L3HYPDH: variants seen among roughly 807,000 people sequenced by gnomAD.
The protein encoded by L3HYPDH is trans-3-hydroxy-L-proline dehydratase.
L3HYPDH carries 32 observed loss-of-function variants against 26.5 expected under a neutral mutation model. That is an observed-to-expected ratio of 1.21 (90% CI 0.91 to 1.62). L3HYPDH has a LOEUF of 1.62. L3HYPDH is among the 40% of genes most tolerant of loss of function. L3HYPDH has a pLI of 0.00. For synonymous variants in L3HYPDH, 215 were observed against 196.6 expected, an observed-to-expected ratio of 1.09 and a Z score of -0.78; for missense variants, 554 against 476.4, an observed-to-expected ratio of 1.16 and a Z score of -1.52.
upstream of L3HYPDH, chr14:59,487,741 T>TAAA: frequency 1.2e-6 from 2 of 1,613,370 alleles, no homozygotes; most frequent in Non-Finnish European, 1.7e-6. Context: ...TCTCCTGAAC[T>TAAA]TTATGATTGG....
the L3HYPDH span, among the ~76,000 whole-genome samples, chr14:59,502,755 T>TGTTTTTTTTTCTTTGTTTTTA: frequency 8.1e-6 from 1 of 122,918 alleles, no homozygotes; most frequent in Non-Finnish European, 1.6e-5. Context: ...ATGAGATTTT[T>TGTTTTTTTTTCTTTGTTTTTA]TTTTTTTTTT....
chr14:59,494,287 G>A, the L3HYPDH span, among the ~76,000 whole-genome samples: 4 of 152,204 alleles, frequency 2.6e-5, no homozygotes, highest in East Asian at 7.7e-4. Context: ...CCCACAAACA[G>A]GTACACATTT....
rs1889847649 is a variant in L3HYPDH at position 59,479,240 on chromosome 14, G to A, written c.620C>T (p.Ala207Val). 1 of 1,613,468 alleles carries A rather than the reference G, an allele frequency of 6.2e-7. No homozygotes were observed. Among genetic ancestry groups the A allele is most frequent in the African/African-American group, 1.3e-5 (1 of 74,958 alleles). ...AEKLGLDICS[A>V]KTRDLVDAAS... ...TGCATCCACAAGGTCCCTGGTCTTT[G>A]CAGAACAAATGTCTAGTCCTAACTT... The change falls in exon 2 of 5, where the codon GCA (alanine) becomes GTA (valine). Residue 207 changes from alanine to valine, a missense_variant. By Grantham distance (64) the Ala-to-Val change is moderately conservative. Transcript: ENST00000247194.
downstream of L3HYPDH, among the ~76,000 whole-genome samples, chr14:59,471,849 G>T (rs916017469): frequency 2.0e-5 from 3 of 150,556 alleles, no homozygotes; most frequent in Admixed American, 6.7e-5. Context: ...CATTTTTTTT[G>T]AGATAAGTGA....
At chr14:59,484,537 A>C (rs1373274040), upstream of L3HYPDH, 10 of 1,560,228 alleles carry the variant, frequency 6.4e-6, no homozygotes, top group African/African-American at 1.4e-5. Context: ...TGTTCGGTGC[A>C]GCTGCCAGAT....
chr14:59,492,797 A>AT, the L3HYPDH span, among the ~76,000 whole-genome samples: 5,856 of 131,962 alleles, frequency 0.044, 177 homozygotes, highest in Non-Finnish European at 0.064. Flanking sequence ...GAGAGCTGCT[A>AT]TTTTTTTTTT....
At chr14:59,501,253 G>A in the L3HYPDH span, 1 of 1,597,156 alleles carries the variant, frequency 6.3e-7, no homozygotes, top group Admixed American at 1.7e-5. Context: ...GTACATGTCT[G>A]CTTCTGAAAT....
At chr14:59,484,621 C>T (rs1890362608), upstream of L3HYPDH, 5 of 1,576,476 alleles carry the variant, frequency 3.2e-6, no homozygotes, top group Non-Finnish European at 4.3e-6. Context: ...TCCCGGGAAG[C>T]GTTTCTGGTA....
chr14:59,481,371 T>C (rs1303070936), intron 1 of L3HYPDH, among the ~76,000 whole-genome samples: 2 of 152,114 alleles, frequency 1.3e-5, no homozygotes, highest in Non-Finnish European at 2.9e-5. Context: ...CCCTGAGAGG[T>C]AGGTACTGTT....
At chr14:59,479,761 A>G (rs1889882847) in intron 1 of L3HYPDH, among the ~76,000 whole-genome samples, 1 of 152,234 alleles carries the variant, frequency 6.6e-6, no homozygotes, top group African/African-American at 2.4e-5. Context: ...CTTGGATCCT[A>G]TTTACAAATC....
intron 1 of L3HYPDH, among the ~76,000 whole-genome samples, chr14:59,466,749 T>C (rs1223387562): frequency 6.6e-6 from 1 of 152,186 alleles, no homozygotes; most frequent in Non-Finnish European, 1.5e-5. Context: ...AAACCAAAAC[T>C]GGGTTTGTCA....
chr14:59,500,020 T>G, the L3HYPDH span, among the ~76,000 whole-genome samples: 1 of 152,236 alleles, frequency 6.6e-6, no homozygotes, highest in South Asian at 2.1e-4. Flanking sequence ...TGATTTGCAC[T>G]AATTTGGGCT....
Position 59,483,932 on chromosome 14 carries a change from G to A in L3HYPDH, c.385C>T (p.Arg129Cys). 1 of 1,555,488 alleles carries A rather than the reference G, an allele frequency of 6.4e-7. No homozygotes were observed. The highest frequency in any genetic ancestry group is 8.6e-7 in the Non-Finnish European group (1 of 1,156,096). The change falls in exon 1 of 5, where the codon CGC becomes TGC. Residue 129 changes from arginine to cysteine, a missense_variant. Transcript: ENST00000247194. ...GLVPAPPAGT[R>C]EARVNIHCPC... The stretch of plus-strand genomic sequence containing the variant: ...CAGTGGATATTGACGCGGGCCTCGC[G>A]GGTGCCCGCAGGGGGCGCCGGCACA...
chr14:59,484,544 A>C (rs541373397), upstream of L3HYPDH: 28 of 1,563,322 alleles, frequency 1.8e-5, no homozygotes, highest in East Asian at 6.5e-4. Context: ...TGCAGCTGCC[A>C]GATCCGCTGA....
At chr14:59,481,478 C>T (rs1251116403) in intron 1 of L3HYPDH, among the ~76,000 whole-genome samples, 1 of 152,162 alleles carries the variant, frequency 6.6e-6, no homozygotes, top group Non-Finnish European at 1.5e-5. Context: ...AAGCCCAAAC[C>T]CTTTCTACTA....
At chr14:59,497,959 A>G in the L3HYPDH span, among the ~76,000 whole-genome samples, 1 of 152,208 alleles carries the variant, frequency 6.6e-6, no homozygotes, top group Non-Finnish European at 1.5e-5. Flanking sequence ...AAATTAAGGT[A>G]GAACTATGTG....
chr14:59,502,679 G>C, the L3HYPDH span, among the ~76,000 whole-genome samples: 1 of 151,208 alleles, frequency 6.6e-6, no homozygotes. Context: ...TAGTTTTGGC[G>C]CTTTTATCAA....
At chr14:59,498,038 T>C in the L3HYPDH span, among the ~76,000 whole-genome samples, 1 of 152,182 alleles carries the variant, frequency 6.6e-6, no homozygotes, top group Non-Finnish European at 1.5e-5. Context: ...CTACAGCTTT[T>C]TTTTTCTGAT....
downstream of L3HYPDH, among the ~76,000 whole-genome samples, chr14:59,469,336 C>T (rs751551886): frequency 2.0e-5 from 3 of 151,888 alleles, no homozygotes; most frequent in East Asian, 3.9e-4. Context: ...GGGTGAATCA[C>T]GAGATCAGGA....
Sources: gnomAD v4.1 joint callset for allele counts (sites outside exome capture counted in the v4.1 genomes callset) on GRCh38, gnomAD v4.1.1 for gene constraint, MANE v1.5 for transcripts, NCBI Gene and HGNC (gene_info 2026-07-23, HGNC 2026-07-21) for gene names.